Variants in TPD52L1 observed in about 807,000 individuals in gnomAD.
TPD52L1 encodes the protein tumor protein D53.
Under a neutral mutation model 28.7 loss-of-function variants are expected in TPD52L1, and 18 were observed. The ratio of observed to expected loss-of-function variants is 0.63; its 90% CI spans 0.43 to 0.93. TPD52L1 has a LOEUF of 0.93. Ranked by LOEUF, TPD52L1 falls within the 40% of genes least tolerant of loss-of-function variation. The probability of loss-of-function intolerance (pLI) is 0.00; values close to 1 mark genes in which losing one functional copy is unlikely to be tolerated. For synonymous variants in TPD52L1, 75 were observed against 88.8 expected (o/e 0.84, Z 0.88); for missense variants, 203 against 254.8 (o/e 0.80, Z 1.39).
intron 4 of TPD52L1, among the ~76,000 whole-genome samples, chr6:125,251,602 T>C (rs1797267957): frequency 6.6e-6 from 1 of 152,226 alleles, no homozygotes. Flanking sequence ...ACATTGTTAA[T>C]ACCCACTTAA....
At chr6:125,182,099 C>A (rs1267653066) in intron 1 of TPD52L1, among the ~76,000 whole-genome samples, 1 of 152,180 alleles carries the variant, frequency 6.6e-6, no homozygotes, top group Non-Finnish European at 1.5e-5. Context: ...AGGATAATGA[C>A]CAAGAGCCAC....
chr6:125,193,564 T>C (rs1015444860), intron 1 of TPD52L1, among the ~76,000 whole-genome samples: 24 of 152,144 alleles, frequency 1.6e-4, no homozygotes, highest in Non-Finnish European at 3.2e-4. Context: ...GCCACCACAC[T>C]GCTGTGGGTG....
rs569944707 is a variant in TPD52L1 at position 125,163,978 on chromosome 6, G to T, written c.19+10008G>T. ...ATAATAATAACAAACTCACAAGGAAGGTAACATTTTGGTTTTACAGATGAT... is the reference window on the plus strand; with the variant it reads ...ATAATAATAACAAACTCACAAGGAATGTAACATTTTGGTTTTACAGATGAT... On this transcript the variant is annotated intron_variant, in intron 1 of 6. Transcript: ENST00000534000. Among the ~76,000 whole-genome samples, 18 of 151,042 alleles carry T rather than the reference G, an allele frequency of 1.2e-4. No homozygotes were observed. The East Asian group carries it at 3.5e-3, about 29-fold the overall frequency.
chr6:125,180,565 T>TAC (rs772475959), intron 1 of TPD52L1, among the ~76,000 whole-genome samples: 80 of 145,248 alleles, frequency 5.5e-4, no homozygotes, highest in Middle Eastern at 3.6e-3. Flanking sequence ...ACATATATTA[T>TAC]ATATACACAC....
Position 125,229,124 on chromosome 6 carries a change from G to A in TPD52L1, c.142G>A (p.Asp48Asn). Residue 48 changes from aspartate (D) to asparagine (N), a missense_variant, in exon 3 of 7, where the codon GAC (aspartate) becomes AAC (asparagine). Asp to Asn is a conservative substitution (Grantham distance 23, BLOSUM62 1). Transcript: ENST00000534000. ...TTTCCCCTCCGCCTTGTAGCTAGAA[G>A]ACGAAATTACAACACTACGACAAGT... Reference protein sequence around the residue: ...ELKAELVQLEDEITTLRQVLS... With the variant: ...ELKAELVQLENEITTLRQVLS... 2 of 1,611,518 alleles carry A rather than the reference G, an allele frequency of 1.2e-6. No homozygotes were observed. Among genetic ancestry groups the A allele is most frequent in the Non-Finnish European group, 8.5e-7 (1 of 1,179,186 alleles).
At chr6:125,228,091 C>G (rs564580589) in intron 2 of TPD52L1, among the ~76,000 whole-genome samples, 1 of 152,248 alleles carries the variant, frequency 6.6e-6, no homozygotes, top group Admixed American at 6.5e-5. Flanking sequence ...TAACTATCTG[C>G]AAAGCCAAGC....
At chr6:125,251,763 T>C (rs1353510492) in intron 4 of TPD52L1, among the ~76,000 whole-genome samples, 1 of 152,236 alleles carries the variant, frequency 6.6e-6, no homozygotes, top group East Asian at 1.9e-4. Flanking sequence ...GGGGACAAAA[T>C]GTTTGGAGAA....
chr6:125,188,615 T>C (rs923244989), intron 1 of TPD52L1, among the ~76,000 whole-genome samples: 3 of 152,192 alleles, frequency 2.0e-5, no homozygotes, highest in Non-Finnish European at 2.9e-5. Context: ...CTTGTTCTTA[T>C]TATATGCATT....
intron 1 of TPD52L1, among the ~76,000 whole-genome samples, chr6:125,215,621 G>A (rs963403289): frequency 3.0e-4 from 45 of 152,196 alleles, no homozygotes; most frequent in African/African-American, 1.1e-3. Flanking sequence ...TGAGGAGTGG[G>A]ATGTTTGGCC....
chr6:125,226,991 A>G (rs1189390154), intron 2 of TPD52L1, among the ~76,000 whole-genome samples: 1 of 152,222 alleles, frequency 6.6e-6, no homozygotes, highest in Non-Finnish European at 1.5e-5. Flanking sequence ...TACTCCTTTT[A>G]CAGTAATCAG....
chr6:125,250,714 A>T (rs1305024838), intron 4 of TPD52L1, among the ~76,000 whole-genome samples: 2 of 152,206 alleles, frequency 1.3e-5, no homozygotes, highest in African/African-American at 4.8e-5. Flanking sequence ...ATTGGGTACA[A>T]TGTCAAGGTT....
chr6:125,253,684 T>TC, intron 4 of TPD52L1, 33 bp from the exon 5 acceptor site: 1 of 1,604,274 alleles, frequency 6.2e-7, no homozygotes, highest in South Asian at 1.1e-5. Context: ...TTCTTTTTTC[T>TC]TTTTTCCCCT....
intron 1 of TPD52L1, among the ~76,000 whole-genome samples, chr6:125,176,604 A>G (rs980689976): frequency 6.6e-6 from 1 of 152,200 alleles, no homozygotes; most frequent in Non-Finnish European, 1.5e-5. Flanking sequence ...GTAGTATAAG[A>G]TCATTTCTGT....
At chr6:125,258,113 C>T (rs1232739956) in intron 6 of TPD52L1, among the ~76,000 whole-genome samples, 3 of 152,118 alleles carry the variant, frequency 2.0e-5, no homozygotes, top group East Asian at 1.9e-4. Flanking sequence ...ATTCCTTACT[C>T]GCGGTTCCAG....
intron 6 of TPD52L1, chr6:125,261,020 A>G (rs1040087515): frequency 6.2e-5 from 2 of 32,272 alleles, no homozygotes; most frequent in Non-Finnish European, 1.0e-4. Flanking sequence ...GAAAGAAAGA[A>G]AAGAAAAGAA....
chr6:125,223,364 G>A (rs1582961709), intron 2 of TPD52L1, among the ~76,000 whole-genome samples: 2 of 152,268 alleles, frequency 1.3e-5, no homozygotes, highest in South Asian at 4.1e-4. Context: ...CGTAAACTAA[G>A]CCAGTAGTGT....
chr6:125,231,371 G>A (rs1294059249), intron 3 of TPD52L1: 1 of 152,280 alleles, frequency 6.6e-6, no homozygotes, highest in Admixed American at 6.5e-5. Context: ...GGGGAAGGGA[G>A]GGGAGAGACT....
chr6:125,218,083 TAG>T (rs1794999287), intron 1 of TPD52L1, among the ~76,000 whole-genome samples: 1 of 152,238 alleles, frequency 6.6e-6, no homozygotes, highest in South Asian at 2.1e-4. Context: ...AATGCTCATG[TAG>T]GTTGTCTCAG....
rs764390688 is a variant in TPD52L1 at position 125,173,664 on chromosome 6, G to A, written c.19+19694G>A. Among the ~76,000 whole-genome samples the A allele has an allele frequency of 5.3e-5, 8 of 152,018 alleles. No homozygotes were observed. The East Asian group carries it at 9.6e-4, about 18-fold the overall frequency. Reference sequence around the variant, plus strand: ...ATGCTTTTTAAATATATATATATGCGTACATACATATATACAAATACATGT... The same window carrying A: ...ATGCTTTTTAAATATATATATATGCATACATACATATATACAAATACATGT... On this transcript the variant is annotated intron_variant, in intron 1 of 6. Coordinates refer to ENST00000534000, the MANE Select transcript of TPD52L1 (RefSeq NM_003287.4).
Sources: gnomAD v4.1 joint callset for allele counts (sites outside exome capture counted in the v4.1 genomes callset) on GRCh38, gnomAD v4.1.1 for gene constraint, MANE v1.5 for transcripts, NCBI Gene and HGNC (gene_info 2026-07-23, HGNC 2026-07-21) for gene names.